SPAG16: variants seen among roughly 807,000 people sequenced by gnomAD.
SPAG16 encodes sperm-associated antigen 16 protein.
A neutral mutation model predicts 80.4 loss-of-function variants in SPAG16; 86 were observed. The ratio of observed to expected loss-of-function variants is 1.07; its 90% CI spans 0.90 to 1.28. The LOEUF (loss-of-function observed/expected upper bound fraction) is 1.28. Among genes scored for constraint, SPAG16 ranks in the 50% most tolerant of loss-of-function variants. The pLI, the probability that SPAG16 is intolerant of heterozygous loss-of-function variation, is 0.00. For synonymous variants in SPAG16, 294 were observed against 265.9 expected (o/e 1.11, Z -1.03); for missense variants, 870 against 765.3 (o/e 1.14, Z -1.61).
intron 10 of SPAG16, among the ~76,000 whole-genome samples, chr2:213,774,319 T>C (rs1306077978): frequency 6.6e-6 from 1 of 152,200 alleles, no homozygotes; most frequent in African/African-American, 2.4e-5. Context: ...TTACGAAAAC[T>C]CTATGAGAGT....
chr2:213,327,943 C>T (rs2063915041), intron 5 of SPAG16, among the ~76,000 whole-genome samples: 1 of 151,956 alleles, frequency 6.6e-6, no homozygotes, highest in African/African-American at 2.4e-5. Context: ...CTATGTAAGC[C>T]ACTTTACTAA....
intron 10 of SPAG16, among the ~76,000 whole-genome samples, chr2:213,772,050 A>G (rs2069281276): frequency 6.6e-6 from 1 of 152,258 alleles, no homozygotes; most frequent in Admixed American, 6.5e-5. Context: ...CACTTTGGCC[A>G]TTTTCAAAAC....
intron 9 of SPAG16, among the ~76,000 whole-genome samples, chr2:213,428,555 C>G (rs1167671902): frequency 1.3e-5 from 2 of 152,110 alleles, no homozygotes; most frequent in Non-Finnish European, 2.9e-5. Context: ...AGAGGGGCTC[C>G]CACAGCCAAA....
At chr2:214,256,853 A>T (rs1290999200) in intron 15 of SPAG16, among the ~76,000 whole-genome samples, 1 of 151,996 alleles carries the variant, frequency 6.6e-6, no homozygotes, top group African/African-American at 2.4e-5. Context: ...AACGGTTAGA[A>T]GTCCTCCAAA....
rs573671046 is a variant in SPAG16 at position 213,999,873 on chromosome 2, CTTTG to C, written c.1401-14072_1401-14069del. On this transcript the variant is annotated intron_variant, in intron 12 of 15. Coordinates refer to ENST00000331683, the MANE Select transcript of SPAG16 (RefSeq NM_024532.5). The stretch of plus-strand genomic sequence containing the variant: ...CAGACTTGCATGGGCCCTGTAACCA[CTTTG>C]TTTGTGCCAATTTCTCCCATTTGGA... Among the ~76,000 whole-genome samples, 277 of 152,328 alleles carry C rather than the reference CTTTG, an allele frequency of 1.8e-3. 2 individuals are homozygous for C. The highest frequency in any genetic ancestry group is 5.8e-3 in the African/African-American group (241 of 41,572).
At chr2:213,986,201 A>G (rs1378902558) in intron 12 of SPAG16, among the ~76,000 whole-genome samples, 1 of 152,080 alleles carries the variant, frequency 6.6e-6, no homozygotes, top group Non-Finnish European at 1.5e-5. Context: ...AAAGTTGGGC[A>G]CAATTTGAAT....
intron 9 of SPAG16, among the ~76,000 whole-genome samples, chr2:213,390,879 A>G (rs1035888335): frequency 6.6e-6 from 1 of 152,214 alleles, no homozygotes; most frequent in Non-Finnish European, 1.5e-5. Flanking sequence ...CAATATAGCT[A>G]TTAAAATAAC....
At chr2:213,410,343 A>G (rs1267127563) in intron 9 of SPAG16, among the ~76,000 whole-genome samples, 1 of 152,216 alleles carries the variant, frequency 6.6e-6, no homozygotes, top group Admixed American at 6.5e-5. Context: ...CAGGTCAAAG[A>G]CAGTTTTCTA....
intron 9 of SPAG16, among the ~76,000 whole-genome samples, chr2:213,437,187 C>A (rs189800423): frequency 6.4e-4 from 97 of 152,310 alleles, no homozygotes; most frequent in Non-Finnish European, 3.8e-4. Flanking sequence ...GCATGAGCCA[C>A]TGTGCCTGGC....
intron 12 of SPAG16, among the ~76,000 whole-genome samples, chr2:213,971,927 A>ATT (rs1205261184): frequency 6.7e-6 from 1 of 150,150 alleles, no homozygotes; most frequent in African/African-American, 2.5e-5. Flanking sequence ...GTGATATCTA[A>ATT]TTGTGTGTGT....
At position 214,375,164 on chromosome 2, in the gene SPAG16, A is replaced by G. The variant is rs78436861; in HGVS notation, c.1721-34976A>G. On this transcript the variant is annotated intron_variant, in intron 15 of 15. Coordinates refer to ENST00000331683, the MANE Select transcript of SPAG16 (RefSeq NM_024532.5). ...ACAGCAGCTTTAGCTCACTTCCTTTAGCTCACACTAACTGACCTTTCCAGA... is the reference window on the plus strand; with the variant it reads ...ACAGCAGCTTTAGCTCACTTCCTTTGGCTCACACTAACTGACCTTTCCAGA... Among the ~76,000 whole-genome samples the G allele has an allele frequency of 4.0e-3, 615 of 152,284 alleles. 18 individuals are homozygous for G. Among genetic ancestry groups the G allele is most frequent in the East Asian group, 0.028 (145 of 5,174 alleles).
At chr2:214,346,950 T>C (rs535360175) in intron 15 of SPAG16, among the ~76,000 whole-genome samples, 1 of 152,342 alleles carries the variant, frequency 6.6e-6, no homozygotes, top group Admixed American at 6.5e-5. Context: ...AAAATGGTTA[T>C]TTTAAGCCAT....
intron 15 of SPAG16, among the ~76,000 whole-genome samples, chr2:214,259,008 T>C (rs571767964): frequency 6.6e-6 from 1 of 152,128 alleles, no homozygotes; most frequent in Non-Finnish European, 1.5e-5. Context: ...CTATTAATAG[T>C]TCCAACAACT....
intron 10 of SPAG16, among the ~76,000 whole-genome samples, chr2:213,529,820 A>G (rs1575851977): frequency 6.6e-6 from 1 of 152,224 alleles, no homozygotes; most frequent in African/African-American, 2.4e-5. Flanking sequence ...AGTTGCTCAA[A>G]TATTTTCTTT....
At chr2:213,626,913 G>T (rs182899993) in intron 10 of SPAG16, among the ~76,000 whole-genome samples, 4 of 152,168 alleles carry the variant, frequency 2.6e-5, no homozygotes, top group Admixed American at 2.0e-4. Context: ...TTCCCAAAGT[G>T]CTGGTATTAC....
chr2:214,148,423 C>T (rs1369414820), intron 14 of SPAG16, among the ~76,000 whole-genome samples: 2 of 152,106 alleles, frequency 1.3e-5, no homozygotes, highest in African/African-American at 4.8e-5. Flanking sequence ...TCCATTCACC[C>T]TTCCTTCTGT....
chr2:214,148,702 A>G (rs186914808), intron 14 of SPAG16, among the ~76,000 whole-genome samples: 48 of 152,232 alleles, frequency 3.2e-4, no homozygotes, highest in Admixed American at 3.1e-3. Flanking sequence ...AAGCTGAGAT[A>G]TGCATGTGGT....
At chr2:214,275,900 G>T (rs576740899) in intron 15 of SPAG16, among the ~76,000 whole-genome samples, 1 of 152,108 alleles carries the variant, frequency 6.6e-6, no homozygotes, top group Non-Finnish European at 1.5e-5. Context: ...GAGTGTTAAG[G>T]TCTCCCATTA....
chr2:213,516,504 G>T (rs1010213480), intron 10 of SPAG16, among the ~76,000 whole-genome samples: 1 of 152,068 alleles, frequency 6.6e-6, no homozygotes, highest in South Asian at 2.1e-4. Context: ...AAGGTTAAAG[G>T]TTGCGCTATA....
Sources: gnomAD v4.1 joint callset for allele counts (sites outside exome capture counted in the v4.1 genomes callset) on GRCh38, gnomAD v4.1.1 for gene constraint, MANE v1.5 for transcripts, NCBI Gene and HGNC (gene_info 2026-07-23, HGNC 2026-07-21) for gene names.